MACROD2: variants seen among roughly 807,000 people sequenced by gnomAD.
MACROD2 encodes ADP-ribose glycohydrolase MACROD2.
MACROD2 carries 36 observed loss-of-function variants against 70.4 expected under a neutral mutation model. The observed-to-expected ratio is 0.51, with a 90% CI of 0.39 to 0.68. The LOEUF is 0.68. Ranked by LOEUF, MACROD2 falls within the 30% of genes least tolerant of loss-of-function variation. MACROD2 has a pLI of 0.00. For synonymous variants in MACROD2, 172 were observed against 178.8 expected (o/e 0.96, Z 0.30); for missense variants, 496 against 538.4 (o/e 0.92, Z 0.78).
intron 8 of MACROD2, among the ~76,000 whole-genome samples, chr20:15,729,402 C>T (rs1318036629): frequency 1.3e-5 from 2 of 152,046 alleles, no homozygotes. Context: ...CTCTTAGGTC[C>T]ATTGGTCAAG....
intron 5 of MACROD2, among the ~76,000 whole-genome samples, chr20:14,866,133 G>A (rs1244389926): frequency 6.6e-6 from 1 of 152,086 alleles, no homozygotes; most frequent in African/African-American, 2.4e-5. Flanking sequence ...AGTGAATATA[G>A]CAACTGTCTC....
intron 8 of MACROD2, among the ~76,000 whole-genome samples, chr20:15,604,143 G>T (rs1007426358): frequency 5.9e-5 from 9 of 152,122 alleles, no homozygotes; most frequent in Non-Finnish European, 1.0e-4. Flanking sequence ...TACCACATGG[G>T]CTTCTATTAA....
At chr20:15,343,028 C>T (rs545112278) in intron 6 of MACROD2, among the ~76,000 whole-genome samples, 8 of 152,302 alleles carry the variant, frequency 5.3e-5, no homozygotes, top group Non-Finnish European at 8.8e-5. Context: ...TTATAAAGTG[C>T]TTTGGAAATA....
intron 5 of MACROD2, among the ~76,000 whole-genome samples, chr20:14,776,712 G>A (rs915169031): frequency 2.6e-5 from 4 of 151,936 alleles, no homozygotes; most frequent in African/African-American, 9.7e-5. Flanking sequence ...TTTCTGTTGA[G>A]CATAATATAC....
At chr20:15,426,448 G>A (rs6079813) in intron 6 of MACROD2, among the ~76,000 whole-genome samples, 5,000 of 152,086 alleles carry the variant, frequency 0.033, 107 homozygotes, top group Non-Finnish European at 0.051. Flanking sequence ...GGGCTCAGGT[G>A]ATTCTGCCAC....
At chr20:14,818,022 TG>T (rs1294268555) in intron 5 of MACROD2, among the ~76,000 whole-genome samples, 1 of 152,162 alleles carries the variant, frequency 6.6e-6, no homozygotes, top group Non-Finnish European at 1.5e-5. Context: ...CCATATCTTC[TG>T]TGGGCTTACA....
Position 15,030,492 on chromosome 20 carries a change from C to A in MACROD2, c.419-199448C>A, listed in dbSNP as rs556762993. Among the ~76,000 whole-genome samples, 285 of 152,282 alleles carry A rather than the reference C, an allele frequency of 1.9e-3. 2 individuals are homozygous for A. The highest frequency in any genetic ancestry group is 3.6e-3 in the Non-Finnish European group (242 of 68,032). ...TGTTCTACACAATGTCCCAGAAATG[C>A]ACAGCAGCATTGAGCTCTAGTTGCC... On this transcript the variant is annotated intron_variant, in intron 5 of 17. Coordinates refer to ENST00000684519, the MANE Select transcript of MACROD2 (RefSeq NM_001351661.2).
chr20:14,627,662 G>A (rs1984258939), intron 4 of MACROD2, among the ~76,000 whole-genome samples: 1 of 152,196 alleles, frequency 6.6e-6, no homozygotes, highest in South Asian at 2.1e-4. Flanking sequence ...TTTCAGTGAA[G>A]TTAATATGTT....
chr20:15,653,309 A>G (rs1407643617), intron 8 of MACROD2, among the ~76,000 whole-genome samples: 2 of 152,234 alleles, frequency 1.3e-5, no homozygotes, highest in African/African-American at 4.8e-5. Flanking sequence ...AAAGATGAGA[A>G]GCACATGATT....
chr20:15,847,678 G>C (rs2064248708), intron 8 of MACROD2, among the ~76,000 whole-genome samples: 1 of 152,154 alleles, frequency 6.6e-6, no homozygotes, highest in Non-Finnish European at 1.5e-5. Flanking sequence ...TCTGTTGGCT[G>C]TTTTCAGAAA....
chr20:15,776,442 G>A (rs565075411), intron 8 of MACROD2, among the ~76,000 whole-genome samples: 1 of 152,268 alleles, frequency 6.6e-6, no homozygotes, highest in African/African-American at 2.4e-5. Flanking sequence ...GCCTTTGCTG[G>A]CTGATGCTGA....
chr20:15,784,576 A>C (rs558301927), intron 8 of MACROD2, among the ~76,000 whole-genome samples: 2 of 152,292 alleles, frequency 1.3e-5, no homozygotes, highest in South Asian at 4.1e-4. Flanking sequence ...CTATAAATGA[A>C]GTTTTACTAC....
chr20:14,601,509 A>G (rs1268072135), intron 4 of MACROD2, among the ~76,000 whole-genome samples: 1 of 152,140 alleles, frequency 6.6e-6, no homozygotes, highest in Non-Finnish European at 1.5e-5. Flanking sequence ...GGAACCCAAA[A>G]AATGTTTTAG....
chr20:15,455,525 G>A (rs1385373113), intron 7 of MACROD2, among the ~76,000 whole-genome samples: 2 of 152,092 alleles, frequency 1.3e-5, no homozygotes, highest in African/African-American at 4.8e-5. Flanking sequence ...TACCCTTGGG[G>A]TACTACACTT....
chr20:15,322,008 G>T (rs536632433), intron 6 of MACROD2, among the ~76,000 whole-genome samples: 1 of 143,738 alleles, frequency 7.0e-6, no homozygotes, highest in East Asian at 2.0e-4. Context: ...GGCCAGGATG[G>T]TCTCAATCTC....
chr20:14,971,565 A>T (rs2074691795), intron 5 of MACROD2, among the ~76,000 whole-genome samples: 1 of 152,066 alleles, frequency 6.6e-6, no homozygotes, highest in South Asian at 2.1e-4. Context: ...ATGTATCATT[A>T]TATCTTACAT....
At chr20:14,337,887 AT>A (rs1417163718) in intron 3 of MACROD2, among the ~76,000 whole-genome samples, 3 of 152,076 alleles carry the variant, frequency 2.0e-5, no homozygotes, top group South Asian at 4.1e-4. Flanking sequence ...ATACTTATGT[AT>A]TTTTTTTAAA....
intron 5 of MACROD2, among the ~76,000 whole-genome samples, chr20:15,173,089 T>A (rs1216726911): frequency 6.6e-6 from 1 of 152,012 alleles, no homozygotes; most frequent in Non-Finnish European, 1.5e-5. Flanking sequence ...TGTGTTAAAC[T>A]TTTTTTATCT....
chr20:15,970,548 G>C (rs944955181), intron 13 of MACROD2, among the ~76,000 whole-genome samples: 2 of 152,152 alleles, frequency 1.3e-5, no homozygotes, highest in Non-Finnish European at 2.9e-5. Context: ...CCAGCTGGCT[G>C]CCTGGAGAGT....
Sources: allele counts gnomAD v4.1 joint callset (sites outside exome capture counted in the v4.1 genomes callset), GRCh38; gene constraint gnomAD v4.1.1; transcripts MANE v1.5; gene names NCBI Gene and HGNC (gene_info 2026-07-23, HGNC 2026-07-21).